Variants in EIF4G3 observed in about 807,000 individuals in gnomAD.
The protein encoded by EIF4G3 is eIF-4-gamma 3.
A neutral mutation model predicts 186.4 loss-of-function variants in EIF4G3; 34 were observed. The ratio of observed to expected loss-of-function variants is 0.18; its 90% CI spans 0.14 to 0.24. EIF4G3 has a LOEUF of 0.24. Ranked by LOEUF, EIF4G3 falls within the 10% of genes least tolerant of loss-of-function variation. The pLI, the probability that EIF4G3 is intolerant of heterozygous loss-of-function variation, is 1.00. For missense variants in EIF4G3, 1,536 were observed against 1,948.5 expected (o/e 0.79, Z 3.99); for synonymous variants, 673 against 679.5 (o/e 0.99, Z 0.15).
At chr1:20,837,702 T>C (rs2067171743) in intron 30 of EIF4G3, among the ~76,000 whole-genome samples, 1 of 152,154 alleles carries the variant, frequency 6.6e-6, no homozygotes, top group Non-Finnish European at 1.5e-5. Context: ...AGACAGGGTA[T>C]CTTCATGGCT....
rs2059112907 is a variant in EIF4G3, at chr1:20,810,928, C to T, written c.4598-44G>A. 1 of 1,557,660 alleles carries T rather than the reference C, an allele frequency of 6.4e-7. No individual in the cohort carries two copies. ...CTAGGAATTACATTTAAGGAGTTAA[C>T]ATAGAATTATCTTTAATTTTCTTTC... On this transcript the variant is annotated intron_variant, in intron 35 of 36. Coordinates refer to ENST00000602326, the MANE Select transcript of EIF4G3 (RefSeq NM_001391906.1). The surrounding 1 kb of genome is among the most constrained non-coding windows in gnomAD (Gnocchi z 4.1).
chr1:20,932,718 A>C (rs1403083674), intron 14 of EIF4G3, among the ~76,000 whole-genome samples: 1 of 152,196 alleles, frequency 6.6e-6, no homozygotes. Context: ...GTGGTGCCCC[A>C]AAACAATTAC....
chr1:20,813,160 A>G lies in EIF4G3; in HGVS notation c.4595T>C (p.Ile1532Thr), dbSNP rs928688984. ...CTGCCTTCAGAAATGTTACTTACCT[A>G]TAATAGCTGCTTTACAAACAGCAGT... ...LMTAVCKAAI[I>T]ADSSTFRVDT... The change falls in exon 35 of 37, where the codon ATA (isoleucine) becomes ACA (threonine). Residue 1532 changes from isoleucine to threonine, a missense_variant and splice_region_variant. Physicochemically the swap from Ile to Thr is moderately conservative, Grantham distance 89. Coordinates refer to ENST00000602326, the MANE Select transcript of EIF4G3 (RefSeq NM_001391906.1). The G allele has an allele frequency of 2.5e-6, 4 of 1,608,144 alleles. No homozygotes were observed. The highest frequency in any genetic ancestry group is 4.5e-5 in the East Asian group (2 of 44,872).
At chr1:20,856,989 C>T (rs1048159749) in intron 25 of EIF4G3, among the ~76,000 whole-genome samples, 13 of 151,540 alleles carry the variant, frequency 8.6e-5, no homozygotes, top group Non-Finnish European at 1.5e-4. Context: ...GGTGAAACCC[C>T]GTCTCTACTA....
intron 9 of EIF4G3, among the ~76,000 whole-genome samples, 179 bp from the exon 10 acceptor site, chr1:20,980,627 T>G (rs1331647948): frequency 6.6e-6 from 1 of 152,144 alleles, no homozygotes; most frequent in Non-Finnish European, 1.5e-5. Context: ...GCCATCAAGA[T>G]ACAATGAGAA....
chr1:21,049,616 C>T (rs2094099892), intron 4 of EIF4G3, among the ~76,000 whole-genome samples: 1 of 152,156 alleles, frequency 6.6e-6, no homozygotes, highest in Admixed American at 6.5e-5. Flanking sequence ...GCAAACTGTA[C>T]ATTCCTTTTC....
chr1:21,167,111 C>T (rs1467197407), intron 2 of EIF4G3, among the ~76,000 whole-genome samples: 5 of 152,108 alleles, frequency 3.3e-5, no homozygotes, highest in Admixed American at 1.3e-4. Context: ...CTATTTCTTA[C>T]ATACTAATTA....
chr1:21,028,212 C>T (rs901425128), intron 4 of EIF4G3, among the ~76,000 whole-genome samples: 1 of 152,060 alleles, frequency 6.6e-6, no homozygotes, highest in East Asian at 1.9e-4. Context: ...AAAGATGGAT[C>T]GTGTGATCAC....
At chr1:20,876,222 C>CAAAA (rs34150070) in intron 20 of EIF4G3, among the ~76,000 whole-genome samples, 1 of 13,998 alleles carries the variant, frequency 7.1e-5, no homozygotes, top group African/African-American at 2.3e-4. Context: ...GAGCCTGTCT[C>CAAAA]AAAAAAAAAA....
At chr1:21,169,532 A>G (rs886363380) in intron 2 of EIF4G3, 4 of 152,188 alleles carry the variant, frequency 2.6e-5, no homozygotes, top group Admixed American at 1.3e-4. Context: ...TTACTTTTCT[A>G]TATTTTTCCA....
intron 3 of EIF4G3, among the ~76,000 whole-genome samples, chr1:21,066,296 A>T (rs75256563): frequency 0.16 from 500 of 3,112 alleles, 1 homozygote; most frequent in Middle Eastern, 0.5. Context: ...TCCTGGAGGA[A>T]AAAAAAAAAA....
In EIF4G3 at chr1:20,810,843, G is replaced by C; in HGVS notation, c.4639C>G (p.Gln1547Glu). The stretch of plus-strand genomic sequence containing the variant: ...TACTTGAGTAAGATCGGCACTCTCT[G>C]CTTGATAACAGCAGTGTCCACTCTG... ...TFRVDTAVIK[Q>E]RVPILLKYLD... Residue 1547 changes from glutamine to glutamate, a missense_variant, in exon 36 of 37, where the codon CAG (glutamine) becomes GAG (glutamate). Physicochemically the swap from Gln to Glu is conservative, Grantham distance 29 (BLOSUM62 2). Around this residue, in one of 11 missense-constraint regions of EIF4G3, gnomAD observed 395 missense variants for 498.9 expected, o/e 0.79. Coordinates refer to ENST00000602326, the MANE Select transcript of EIF4G3 (RefSeq NM_001391906.1). The surrounding 1 kb of genome is among the most constrained non-coding windows in gnomAD (Gnocchi z 4.1). The C allele has an allele frequency of 6.2e-7, 1 of 1,614,106 alleles. No homozygotes were observed. The highest frequency in any genetic ancestry group is 8.5e-7 in the Non-Finnish European group (1 of 1,179,986).
chr1:20,877,399 C>A (rs900164080), intron 20 of EIF4G3, among the ~76,000 whole-genome samples: 2 of 152,140 alleles, frequency 1.3e-5, no homozygotes, highest in African/African-American at 4.8e-5. Flanking sequence ...GTTACATCAC[C>A]CTGAGAAGTT....
chr1:21,137,187 A>G (rs1162304697), intron 2 of EIF4G3, among the ~76,000 whole-genome samples: 3 of 148,612 alleles, frequency 2.0e-5, no homozygotes, highest in Non-Finnish European at 3.0e-5. Context: ...TCTGTTGCTC[A>G]GGCTAGACTG....
At chr1:20,957,573 TCAAA>T (rs1216396433) in intron 12 of EIF4G3, among the ~76,000 whole-genome samples, 20 of 144,636 alleles carry the variant, frequency 1.4e-4, no homozygotes, top group South Asian at 2.2e-4. Flanking sequence ...TAAATGAAAT[TCAAA>T]CAAACAAACA....
chr1:21,125,295 G>C (rs372203313), intron 2 of EIF4G3, among the ~76,000 whole-genome samples: 1 of 152,124 alleles, frequency 6.6e-6, no homozygotes, highest in East Asian at 1.9e-4. Flanking sequence ...ACGAAAATAG[G>C]GAAGTCTCAG....
At chr1:21,027,831 G>A (rs1181901002) in intron 4 of EIF4G3, among the ~76,000 whole-genome samples, 1 of 152,138 alleles carries the variant, frequency 6.6e-6, no homozygotes, top group Non-Finnish European at 1.5e-5. Flanking sequence ...GGAGTTCTTT[G>A]TACATCCACA....
Position 20,840,985 on chromosome 1 carries a change from A to G in EIF4G3, c.3932T>C (p.Leu1311Pro), listed in dbSNP as rs750293651. The change falls in exon 30 of 37, where the codon CTA (leucine) becomes CCA (proline). Residue 1311 changes from leucine (L) to proline (P), a missense_variant. By Grantham distance (98) the Leu-to-Pro change is moderately conservative (BLOSUM62 -3). Coordinates refer to ENST00000602326, the MANE Select transcript of EIF4G3 (RefSeq NM_001391906.1). ...CACTCCCACTCTCACAAAAACATGTAGTAGGCCCTGGGCATTCAGCTCTTC... is the reference window on the plus strand; with the variant it reads ...CACTCCCACTCTCACAAAAACATGTGGTAGGCCCTGGGCATTCAGCTCTTC... ...CVEELNAQGL[L>P]HVFVRVGVES... 1.2e-6 allele frequency: 2 copies of G among 1,614,186 alleles called. No homozygotes were observed.
intron 30 of EIF4G3, among the ~76,000 whole-genome samples, chr1:20,839,362 C>T (rs1193972537): frequency 4.6e-5 from 7 of 152,136 alleles, no homozygotes; most frequent in Admixed American, 1.3e-4. Flanking sequence ...CTGCCCACCT[C>T]GGCCTCCCAA....
Sources: allele counts gnomAD v4.1 joint callset (sites outside exome capture counted in the v4.1 genomes callset), GRCh38; gene constraint gnomAD v4.1.1; regional missense constraint gnomAD v4.1.1; non-coding constraint Gnocchi (gnomAD v3.1); transcripts MANE v1.5; gene names NCBI Gene and HGNC (gene_info 2026-07-23, HGNC 2026-07-21).